The following INTS6 variants were observed in gnomAD, a reference collection of about 807,000 sequenced individuals.
INTS6 encodes DEAD box protein.
Under a neutral mutation model 104.9 loss-of-function variants are expected in INTS6, and 16 were observed. The ratio of observed to expected loss-of-function variants is 0.15; its 90% CI spans 0.10 to 0.23. The LOEUF (loss-of-function observed/expected upper bound fraction) is 0.23, where lower values mean the gene tolerates loss of function less well. Among genes scored for constraint, INTS6 ranks in the 10% least tolerant of loss-of-function variants. The probability of loss-of-function intolerance (pLI) is 1.00; values close to 1 mark genes in which losing one functional copy is unlikely to be tolerated. For missense variants in INTS6, 584 were observed against 1,062.8 expected (o/e 0.55, Z 6.26); for synonymous variants, 324 against 358.7 (o/e 0.90, Z 1.09).
At position 51,364,411 on chromosome 13, in the gene INTS6, T is replaced by C. The variant is rs1955645175; in HGVS notation, c.*1341A>G. ...TAAGGGTATGTGATTTTCAATATTA[T>C]AAACCTAAAAATACTTCAGTTTTTA... On this transcript the variant is annotated 3_prime_UTR_variant, in exon 18 of 18. Coordinates refer to ENST00000311234, the MANE Select transcript of INTS6 (RefSeq NM_012141.3). 2 of 506,806 alleles carry C rather than the reference T, an allele frequency of 3.9e-6. No homozygotes were observed. Among genetic ancestry groups the C allele is most frequent in the Admixed American group, 7.7e-5 (2 of 26,010 alleles). The allele number at this position is 506,806 out of a possible 1,614,324, so 31.4% of individuals were successfully genotyped here.
At chr13:51,423,558 G>GC (rs1434423095) in intron 4 of INTS6, among the ~76,000 whole-genome samples, 1 of 152,026 alleles carries the variant, frequency 6.6e-6, no homozygotes, top group Non-Finnish European at 1.5e-5. Flanking sequence ...CACACTGTAA[G>GC]CAGTAACTGC....
chr13:51,430,416 AT>A, intron 3 of INTS6, 33 bp from the exon 4 acceptor site: 1 of 1,546,042 alleles, frequency 6.5e-7, no homozygotes. Context: ...TCATACAAAG[AT>A]TTAGACTTTG....
the INTS6 span, among the ~76,000 whole-genome samples, chr13:51,345,190 T>C: frequency 6.6e-6 from 1 of 152,138 alleles, no homozygotes; most frequent in Non-Finnish European, 1.5e-5. Context: ...ATTCTATAAA[T>C]GGAGAAACTG....
intron 3 of INTS6, chr13:51,450,323 AGC>A: frequency 1.0e-6 from 1 of 985,410 alleles, no homozygotes; most frequent in African/African-American, 1.7e-5. Context: ...GTTGATTTAA[AGC>A]TCCTCTCATC....
chr13:51,384,857 T>A, intron 7 of INTS6: 1 of 367,116 alleles, frequency 2.7e-6, no homozygotes, highest in South Asian at 2.1e-5. Context: ...AATTTGGGCC[T>A]TCATCATTTC....
At chr13:51,347,308 G>T in the INTS6 span, 1 of 1,285,852 alleles carries the variant, frequency 7.8e-7, no homozygotes, top group Non-Finnish European at 1.1e-6. Context: ...AGGAGGCCAG[G>T]TCCCTGCTCC....
intron 4 of INTS6, among the ~76,000 whole-genome samples, chr13:51,420,569 G>C (rs1037337236): frequency 6.6e-6 from 1 of 151,946 alleles, no homozygotes; most frequent in East Asian, 1.9e-4. Flanking sequence ...TTCTTCAACA[G>C]AATGCAATAA....
At chr13:51,344,535 G>A in the INTS6 span, 2 of 1,422,634 alleles carry the variant, frequency 1.4e-6, no homozygotes, top group Admixed American at 2.0e-5. Context: ...GGGCTGCAGA[G>A]ACAGAGTCTC....
At position 51,452,405 on chromosome 13, in the gene INTS6, C is replaced by A; in HGVS notation, c.111+10G>T. 1 of 1,568,108 alleles carries A rather than the reference C, an allele frequency of 6.4e-7. No individual in the cohort carries two copies. The highest frequency in any genetic ancestry group is 1.1e-5 in the South Asian group (1 of 87,398). ...GCCGGGGTCGCCGCCCGGGCTCGGT[C>A]AGTCGGTACCTTCATGAAGGTCTCT... On this transcript the variant is annotated intron_variant, in intron 1 of 17. Transcript: ENST00000311234. This position sits in a 1 kb window ranked among gnomAD's most constrained non-coding sequence, Gnocchi z 4.2.
chr13:51,447,156 C>T (rs1004760158), intron 3 of INTS6: 2 of 152,126 alleles, frequency 1.3e-5, no homozygotes, highest in Admixed American at 6.5e-5. Context: ...AATTAACTTA[C>T]TTTCATTTGA....
chr13:51,381,042 A>G (rs910046616), intron 10 of INTS6, among the ~76,000 whole-genome samples: 1 of 152,240 alleles, frequency 6.6e-6, no homozygotes, highest in Non-Finnish European at 1.5e-5. Context: ...TGTACTGAAC[A>G]TATATACAGA....
chr13:51,435,819 C>T (rs1283389515), intron 3 of INTS6, among the ~76,000 whole-genome samples: 1 of 151,904 alleles, frequency 6.6e-6, no homozygotes. Context: ...GTCATTAATA[C>T]TGTTAATTTT....
At position 51,452,554 on chromosome 13, in the gene INTS6, G is replaced by A. The variant is rs765930897; in HGVS notation, c.-29C>T. The A allele has an allele frequency of 2.5e-6, 4 of 1,606,094 alleles. No individual in the cohort carries two copies. Among genetic ancestry groups the A allele is most frequent in the Non-Finnish European group, 3.4e-6 (4 of 1,175,362 alleles). On this transcript the variant is annotated 5_prime_UTR_variant, in exon 1 of 18. Transcript: ENST00000311234. The surrounding 1 kb of genome is among the most constrained non-coding windows in gnomAD (Gnocchi z 4.2). ...GCTGGCCGGGGACACCGGGGCCCGA[G>A]GTGGTGGAGAAAGAGGAGATGGTAG...
At chr13:51,442,973 TA>T (rs1488117406) in intron 3 of INTS6, 1 of 152,184 alleles carries the variant, frequency 6.6e-6, no homozygotes, top group Non-Finnish European at 1.5e-5. Context: ...CAAGAAAGAC[TA>T]AATGTAACAG....
chr13:51,394,218 C>T (rs1956294737), intron 5 of INTS6, among the ~76,000 whole-genome samples: 1 of 152,016 alleles, frequency 6.6e-6, no homozygotes, highest in Non-Finnish European at 1.5e-5. Flanking sequence ...AAAAAAATTA[C>T]ATATATGCCT....
intron 3 of INTS6, chr13:51,450,523 A>G: frequency 1.1e-6 from 1 of 913,290 alleles, no homozygotes. Context: ...AAGAAAACTT[A>G]AATGTTCTCA....
At chr13:51,335,103 A>T in the INTS6 span, among the ~76,000 whole-genome samples, 4 of 152,272 alleles carry the variant, frequency 2.6e-5, no homozygotes, top group Admixed American at 2.0e-4. Flanking sequence ...GTATCCAGTG[A>T]TCTAACACAT....
chr13:51,353,244 C>T (rs565959142), downstream of INTS6, among the ~76,000 whole-genome samples: 284 of 152,230 alleles, frequency 1.9e-3, 1 homozygote, highest in African/African-American at 6.3e-3. Flanking sequence ...TTATTACCCA[C>T]CATAATCATA....
At chr13:51,360,114 A>C (rs1566197111), downstream of INTS6, among the ~76,000 whole-genome samples, 1 of 152,056 alleles carries the variant, frequency 6.6e-6, no homozygotes, top group Non-Finnish European at 1.5e-5. Flanking sequence ...GTCTGGTTTT[A>C]TTCTCTCATG....
Sources: allele counts gnomAD v4.1 joint callset (sites outside exome capture counted in the v4.1 genomes callset), GRCh38; gene constraint gnomAD v4.1.1; non-coding constraint Gnocchi (gnomAD v3.1); transcripts MANE v1.5; gene names NCBI Gene and HGNC (gene_info 2026-07-23, HGNC 2026-07-21).